Variants in POLR2J observed in about 807,000 individuals in gnomAD.
The protein encoded by POLR2J is RNA polymerase II subunit J.
Under a neutral mutation model 13.4 loss-of-function variants are expected in POLR2J, and 12 were observed. The observed-to-expected ratio is 0.90, with a 90% CI of 0.57 to 1.45. POLR2J has a LOEUF of 1.45. Among genes scored for constraint, POLR2J ranks in the 40% most tolerant of loss-of-function variants. POLR2J has a pLI of 0.00. For missense variants in POLR2J, 58 were observed against 132.0 expected, an observed-to-expected ratio of 0.44 and a Z score of 2.75; for synonymous variants, 31 against 53.6, an observed-to-expected ratio of 0.58 and a Z score of 1.84.
rs370120347 is a variant in POLR2J at position 102,473,758 on chromosome 7, T to TC, written c.319-75dup. ...GGACGCTGGAAACACATGCCCAGCA[T>TC]CCCCCCCGCCAGGCCCTTCCTGGAG... On this transcript the variant is annotated intron_variant, in intron 3 of 3. Transcript: ENST00000292614. 7.5e-4 allele frequency: 1,189 copies of TC among 1,588,610 alleles called. 5 individuals carry two copies. In the African/African-American group the frequency reaches 0.01, roughly 14 times the overall value.
Position 102,473,617 on chromosome 7 carries a change from G to A in POLR2J, c.*32C>T, listed in dbSNP as rs368315599. The A allele has an allele frequency of 4.0e-4, 649 of 1,603,720 alleles. 1 individual carries two copies. Among genetic ancestry groups the A allele is most frequent in the Non-Finnish European group, 5.4e-4 (634 of 1,176,950 alleles). On this transcript the variant is annotated 3_prime_UTR_variant, in exon 4 of 4. Transcript: ENST00000292614. ...AGGGTCAGGCACAGGTAGGAACGGG[G>A]CTCACAGGCCGAGCAGAGCCCCCTC...
chr7:102,478,515 A>ATT, intron 1 of POLR2J, among the ~76,000 whole-genome samples: 1 of 152,054 alleles, frequency 6.6e-6, no homozygotes, highest in Admixed American at 6.6e-5. Flanking sequence ...AAGCTGCCAG[A>ATT]TCCCAGAGGA....
chr7:102,473,220 C>G lies in POLR2J; in HGVS notation c.*429G>C, dbSNP rs554068315. On this transcript the variant is annotated 3_prime_UTR_variant, in exon 4 of 4. Coordinates refer to ENST00000292614, the MANE Select transcript of POLR2J (RefSeq NM_006234.6). The stretch of plus-strand genomic sequence containing the variant: ...GCAGGAAGAAGTGTTCCTGCTTTGA[C>G]TGACAGGCAGGCCCAGGAGTTGAGG... The G allele has an allele frequency of 2.5e-6, 2 of 803,632 alleles. No homozygotes were observed. The highest frequency in any genetic ancestry group is 3.8e-5 in the South Asian group (2 of 52,320). 49.8% of individuals were successfully genotyped at this position (803,632 alleles called of 1,614,324 possible).
rs2133288949 is a variant in POLR2J at position 102,478,848 on chromosome 7, G to C, written c.13C>G (p.Pro5Ala). MNAP[P>A]AFESFLLFEG... ...AAGAGCAAGAACGACTCGAAGGCTG[G>C]AGGGGCGTTCATGCTCCCGCCGCCG... The change falls in exon 1 of 4, where the codon CCA (proline) becomes GCA (alanine). Residue 5 changes from proline (P) to alanine (A), a missense_variant. Pro to Ala is a conservative substitution (Grantham distance 27). This residue lies in a region of POLR2J where 23 missense variants were observed against 52.6 expected (regional missense o/e 0.44). Coordinates refer to ENST00000292614, the MANE Select transcript of POLR2J (RefSeq NM_006234.6). 6.2e-7 allele frequency: 1 copy of C among 1,610,796 alleles called. No homozygotes were observed. The highest frequency in any genetic ancestry group is 8.5e-7 in the Non-Finnish European group (1 of 1,179,726).
chr7:102,475,656 G>A (rs1205225635), intron 2 of POLR2J, among the ~76,000 whole-genome samples: 1 of 152,288 alleles, frequency 6.6e-6, no homozygotes, highest in Non-Finnish European at 1.5e-5. Context: ...GGGCGCAGTA[G>A]CTCACGTCTC....
chr7:102,478,415 G>A (rs1286926011), intron 1 of POLR2J, among the ~76,000 whole-genome samples: 1 of 146,604 alleles, frequency 6.8e-6, no homozygotes, highest in Non-Finnish European at 1.5e-5. Flanking sequence ...TCAACCCGCA[G>A]GCAGCGAGGA....
rs761060801 is a variant in POLR2J at position 102,473,614 on chromosome 7, G to C, written c.*35C>G. 2 of 1,602,860 alleles carry C rather than the reference G, an allele frequency of 1.2e-6. No homozygotes were observed. The highest frequency in any genetic ancestry group is 2.3e-5 in the East Asian group (1 of 43,176). On this transcript the variant is annotated 3_prime_UTR_variant, in exon 4 of 4. Coordinates refer to ENST00000292614, the MANE Select transcript of POLR2J (RefSeq NM_006234.6). Reference sequence around the variant, plus strand: ...CGGAGGGTCAGGCACAGGTAGGAACGGGGCTCACAGGCCGAGCAGAGCCCC... The same window carrying C: ...CGGAGGGTCAGGCACAGGTAGGAACCGGGCTCACAGGCCGAGCAGAGCCCC...
intron 1 of POLR2J, among the ~76,000 whole-genome samples, chr7:102,478,474 G>C (rs1006364941): frequency 6.6e-6 from 1 of 151,782 alleles, no homozygotes; most frequent in Non-Finnish European, 1.5e-5. Context: ...GGGGATGAAG[G>C]ATGGAGGTGG....
intron 3 of POLR2J, 78 bp from the exon 4 acceptor site, chr7:102,473,762 C>T (rs963915890): frequency 1.3e-6 from 2 of 1,586,276 alleles, no homozygotes; most frequent in Non-Finnish European, 1.7e-6. Context: ...CCAGCATCCC[C>T]CCCGCCAGGC....
At position 102,473,451 on chromosome 7, in the gene POLR2J, T is replaced by A; in HGVS notation, c.*198A>T. The A allele has an allele frequency of 1.5e-6, 1 of 685,056 alleles. No homozygotes were observed. Among genetic ancestry groups the A allele is most frequent in the Non-Finnish European group, 2.1e-6 (1 of 465,922 alleles). 42.4% of individuals were successfully genotyped at this position (685,056 alleles called of 1,614,324 possible). A position where few individuals can be genotyped will look rare whatever the true frequency, so the allele number is the denominator to read the frequency against. ...GAAGTCACCGCTGCTCAAGTCCACA[T>A]CCAGGTCTCTCCCGCTATACTTTAT... is the stretch of plus-strand genomic sequence containing the variant. On this transcript the variant is annotated 3_prime_UTR_variant, in exon 4 of 4. Coordinates refer to ENST00000292614, the MANE Select transcript of POLR2J (RefSeq NM_006234.6).
At chr7:102,475,179 G>A (rs975282297) in intron 2 of POLR2J, among the ~76,000 whole-genome samples, 23 of 152,204 alleles carry the variant, frequency 1.5e-4, no homozygotes, top group South Asian at 2.1e-4. Flanking sequence ...GCTGGGCTCC[G>A]GGCAGGAGTC....
chr7:102,478,750 C>G (rs1687474520), intron 1 of POLR2J, 58 bp downstream of exon 1: 1 of 1,606,032 alleles, frequency 6.2e-7, no homozygotes, highest in Non-Finnish European at 8.5e-7. Context: ...GGAGACACCC[C>G]AGAATGCGAC....
Position 102,473,392 on chromosome 7 carries a change from T to C in POLR2J, c.*257A>G. 2 of 600,054 alleles carry C rather than the reference T, an allele frequency of 3.3e-6. No individual in the cohort carries two copies. The highest frequency in any genetic ancestry group is 2.8e-6 in the Non-Finnish European group (1 of 354,036). The allele number at this position is 600,054 out of a possible 1,614,324, so 37.2% of individuals were successfully genotyped here. A position where few individuals can be genotyped will look rare whatever the true frequency, so the allele number is the denominator to read the frequency against. ...CCGGACGCCCCTGAAACAGGTCATC[T>C]GCCTGCATCAAGCCTGACAATCCAT... On this transcript the variant is annotated 3_prime_UTR_variant, in exon 4 of 4. Transcript: ENST00000292614.
At chr7:102,477,226 T>G (rs2133286488) in intron 1 of POLR2J, among the ~76,000 whole-genome samples, 1 of 99,604 alleles carries the variant, frequency 1.0e-5, no homozygotes, top group East Asian at 2.7e-4. Context: ...TCCATTGGAT[T>G]TTCCAAGACA....
rs1798286097 is a variant in POLR2J at position 102,473,278 on chromosome 7, G to C, written c.*371C>G. 3 of 609,338 alleles carry C rather than the reference G, an allele frequency of 4.9e-6. No individual in the cohort carries two copies. Among genetic ancestry groups the C allele is most frequent in the Non-Finnish European group, 8.4e-6 (3 of 358,064 alleles). 37.7% of individuals were successfully genotyped at this position (609,338 alleles called of 1,614,324 possible). ...AGCAGAGACTCTTGGGAGCTCATGGGTTTGCACACTTCTCTCCGGCTCAGC... is the reference window on the plus strand; with the variant it reads ...AGCAGAGACTCTTGGGAGCTCATGGCTTTGCACACTTCTCTCCGGCTCAGC... On this transcript the variant is annotated 3_prime_UTR_variant, in exon 4 of 4. Transcript: ENST00000292614.
chr7:102,473,910 A>G, intron 3 of POLR2J: 1 of 1,435,134 alleles, frequency 7.0e-7, no homozygotes, highest in Non-Finnish European at 9.1e-7. Context: ...CCTGGTGAGC[A>G]GACGACTCAG....
intron 2 of POLR2J, among the ~76,000 whole-genome samples, chr7:102,475,370 T>C (rs1798397706): frequency 6.6e-6 from 1 of 152,202 alleles, no homozygotes; most frequent in Admixed American, 6.5e-5. Context: ...CTCACTGGTA[T>C]AAACAAACAC....
In POLR2J at chr7:102,478,815, C is replaced by A. The variant is rs1275122789; in HGVS notation, c.46G>T (p.Glu16Ter). ...AFESFLLFEGEKKITINKDTK... is the reference protein window; with the variant it reads ...AFESFLLFEG ...GCAGCCGGCGTCACTTACTTCTTCT[C>A]GCCCTCGAAGAGCAAGAACGACTCG... Residue 16 changes from glutamate to a stop codon, truncating the protein, a stop_gained, in exon 1 of 4, where the codon GAG (glutamate) becomes TAG (stop). Transcript: ENST00000292614. LOFTEE classifies it high-confidence loss of function. 1 of 1,610,824 alleles carries A rather than the reference C, an allele frequency of 6.2e-7. No individual in the cohort carries two copies. Among genetic ancestry groups the A allele is most frequent in the Non-Finnish European group, 8.5e-7 (1 of 1,179,722 alleles).
rs1798304757 is a variant in POLR2J at position 102,473,557 on chromosome 7, A to C, written c.*92T>G. 2.3e-6 allele frequency: 3 copies of C among 1,282,786 alleles called. No homozygotes were observed. The Admixed American group carries it at 9.2e-5, about 39-fold the overall frequency. 79.5% of individuals were successfully genotyped at this position (1,282,786 alleles called of 1,614,324 possible). A position where few individuals can be genotyped will look rare whatever the true frequency, so the allele number is the denominator to read the frequency against. On this transcript the variant is annotated 3_prime_UTR_variant, in exon 4 of 4. Coordinates refer to ENST00000292614, the MANE Select transcript of POLR2J (RefSeq NM_006234.6). ...GGCCACAAGGCGGGCCATGGCTGGGACCGGCCGCTCTCCTCGGTGTGGTAC... is the reference window on the plus strand; with the variant it reads ...GGCCACAAGGCGGGCCATGGCTGGGCCCGGCCGCTCTCCTCGGTGTGGTAC...
Sources: allele counts gnomAD v4.1 joint callset (sites outside exome capture counted in the v4.1 genomes callset), GRCh38; gene constraint gnomAD v4.1.1; regional missense constraint gnomAD v4.1.1; transcripts MANE v1.5; gene names NCBI Gene and HGNC (gene_info 2026-07-23, HGNC 2026-07-21).